Variants in CEP170 observed in about 807,000 individuals in gnomAD.
CEP170 encodes centrosomal protein of 170 kDa.
A neutral mutation model predicts 151.9 loss-of-function variants in CEP170; 21 were observed. The ratio of observed to expected loss-of-function variants is 0.14; its 90% CI spans 0.10 to 0.20. The LOEUF (loss-of-function observed/expected upper bound fraction) is 0.20. Ranked by LOEUF, CEP170 falls within the 10% of genes least tolerant of loss-of-function variation. CEP170 has a pLI of 1.00. For synonymous variants in CEP170, 356 were observed against 648.8 expected (o/e 0.55, Z 6.86); for missense variants, 964 against 1,892.9 (o/e 0.51, Z 9.11).
chr1:243,178,099 C>T (rs1414178520), intron 10 of CEP170, among the ~76,000 whole-genome samples: 9 of 151,906 alleles, frequency 5.9e-5, no homozygotes, highest in East Asian at 1.9e-4. Flanking sequence ...AGGCCGAAGG[C>T]GGGTGGATCA....
chr1:243,231,190 C>CATCATCATTATT (rs368164323), intron 1 of CEP170, among the ~76,000 whole-genome samples: 4 of 124,896 alleles, frequency 3.2e-5, no homozygotes, highest in Non-Finnish European at 5.1e-5. Flanking sequence ...TCATCATCAT[C>CATCATCATTATT]ATTATTATTA....
At position 243,165,174 on chromosome 1, in the gene CEP170, A is replaced by T. The variant is rs1227889732; in HGVS notation, c.2786T>A (p.Ile929Asn). The change falls in exon 13 of 20, where the codon ATT becomes AAT. Residue 929 changes from isoleucine to asparagine, a missense_variant. By Grantham distance (149) the Ile-to-Asn change is moderately radical. Transcript: ENST00000366542. ...TGTATCTACATCAGATTCTGGTGAA[A>T]TAGAATTGTCTCTATTATAACTGGG... ...DTPSYNRDNSISPESDVDTAS... is the reference protein window; with the variant it reads ...DTPSYNRDNSNSPESDVDTAS... 2 of 1,613,708 alleles carry T rather than the reference A, an allele frequency of 1.2e-6. No homozygotes were observed. The highest frequency in any genetic ancestry group is 3.3e-5 in the Admixed American group (2 of 59,982).
intron 10 of CEP170, among the ~76,000 whole-genome samples, chr1:243,179,533 T>C (rs2059482696): frequency 6.6e-6 from 1 of 152,214 alleles, no homozygotes; most frequent in Non-Finnish European, 1.5e-5. Flanking sequence ...TTAAACTATA[T>C]ATTTTAACAA....
chr1:243,245,288 T>C (rs2065264248), intron 1 of CEP170, among the ~76,000 whole-genome samples: 1 of 151,892 alleles, frequency 6.6e-6, no homozygotes, highest in South Asian at 2.1e-4. Context: ...TTCATCAAAG[T>C]GGCAAAACTG....
At chr1:243,186,186 T>G (rs566950190) in intron 9 of CEP170, 73 bp downstream of exon 9, 1 of 1,613,066 alleles carries the variant, frequency 6.2e-7, no homozygotes, top group Non-Finnish European at 8.5e-7. Flanking sequence ...GCACTTTGAG[T>G]AAAAGAATAC....
rs1379218540 is a variant in CEP170 at position 243,225,240 on chromosome 1, G to A, written c.41C>T (p.Thr14Ile). 8.1e-6 allele frequency: 13 copies of A among 1,597,892 alleles called. No individual in the cohort carries two copies. The highest frequency in any genetic ancestry group is 2.3e-5 in the South Asian group (2 of 88,128). Residue 14 changes from threonine (T) to isoleucine (I), a missense_variant, in exon 2 of 20, where the codon ACT becomes ATT. Coordinates refer to ENST00000366542, the MANE Select transcript of CEP170 (RefSeq NM_014812.3). ...CATTTCTCGTGGCAGCCTGTGGCGAGTGCCTCCACTGCTCACCAAAAACCA... is the reference window on the plus strand; with the variant it reads ...CATTTCTCGTGGCAGCCTGTGGCGAATGCCTCCACTGCTCACCAAAAACCA... ...TSWFLVSSGG[T>I]RHRLPREMIF...
At chr1:243,219,831 A>G (rs1183312152) in intron 3 of CEP170, among the ~76,000 whole-genome samples, 1 of 152,264 alleles carries the variant, frequency 6.6e-6, no homozygotes, top group Non-Finnish European at 1.5e-5. Flanking sequence ...CACTGTGCAG[A>G]GCCCTCTGCT....
chr1:243,227,170 T>C (rs562974319), intron 1 of CEP170, among the ~76,000 whole-genome samples: 1 of 152,208 alleles, frequency 6.6e-6, no homozygotes, highest in Admixed American at 6.5e-5. Flanking sequence ...ACCATAAAAG[T>C]CTTTTAAGTA....
chr1:243,220,990 T>C (rs1032799447), intron 3 of CEP170, among the ~76,000 whole-genome samples: 5 of 152,168 alleles, frequency 3.3e-5, no homozygotes, highest in Non-Finnish European at 2.9e-5. Flanking sequence ...GCAGAGAAAG[T>C]TGTCTACTCT....
At chr1:243,189,308 G>A (rs977884297) in intron 8 of CEP170, among the ~76,000 whole-genome samples, 1 of 152,106 alleles carries the variant, frequency 6.6e-6, no homozygotes, top group African/African-American at 2.4e-5. Context: ...TGTAACCCCA[G>A]CACTTTGGGA....
intron 12 of CEP170, among the ~76,000 whole-genome samples, chr1:243,167,603 G>A (rs1298300516): frequency 6.6e-6 from 1 of 151,158 alleles, no homozygotes; most frequent in East Asian, 1.9e-4. Flanking sequence ...TAATCTTTTA[G>A]GGATAAATGG....
chr1:243,215,648 G>A (rs544796412), intron 3 of CEP170, among the ~76,000 whole-genome samples: 7 of 152,228 alleles, frequency 4.6e-5, no homozygotes, highest in East Asian at 1.9e-4. Flanking sequence ...ATGACAATGC[G>A]TGCCCAGTGG....
At chr1:243,163,733 A>G (rs2058243259) in intron 13 of CEP170, among the ~76,000 whole-genome samples, 1 of 152,230 alleles carries the variant, frequency 6.6e-6, no homozygotes, top group South Asian at 2.1e-4. Flanking sequence ...AAACAGATTT[A>G]ACTTTAAAAA....
chr1:243,216,712 T>G (rs1303422523), intron 3 of CEP170, among the ~76,000 whole-genome samples: 1 of 152,182 alleles, frequency 6.6e-6, no homozygotes, highest in East Asian at 1.9e-4. Context: ...GGAATACCAT[T>G]AAGACTCTAG....
intron 1 of CEP170, among the ~76,000 whole-genome samples, chr1:243,249,806 A>G (rs1409230312): frequency 6.6e-6 from 1 of 152,254 alleles, no homozygotes; most frequent in Admixed American, 6.5e-5. Flanking sequence ...AAACAAGGCC[A>G]GGCGCCATGG....
intron 17 of CEP170, among the ~76,000 whole-genome samples, chr1:243,130,943 G>GA (rs1171529326): frequency 2.0e-5 from 3 of 151,946 alleles, no homozygotes. Context: ...AGGACTGATG[G>GA]AAAATAAGGA....
intron 3 of CEP170, among the ~76,000 whole-genome samples, chr1:243,212,234 A>T (rs77790626): frequency 6.6e-6 from 1 of 152,214 alleles, no homozygotes; most frequent in Non-Finnish European, 1.5e-5. Flanking sequence ...TGGTGCCAAG[A>T]AAAGCTCCTA....
rs528560886 is a variant in CEP170 at position 243,157,495 on chromosome 1, T to A, written c.3677-1040A>T. The stretch of plus-strand genomic sequence containing the variant: ...TTAGCTGAGTGTTGGCTAGCAAATG[T>A]TTAACAAATATTTTTGAAAAAAATG... On this transcript the variant is annotated intron_variant, in intron 13 of 19. Coordinates refer to ENST00000366542, the MANE Select transcript of CEP170 (RefSeq NM_014812.3). Among the ~76,000 whole-genome samples the A allele has an allele frequency of 9.5e-4, 144 of 152,312 alleles. 1 individual carries two copies. Among genetic ancestry groups the A allele is most frequent in the Middle Eastern group, 6.8e-3 (2 of 294 alleles).
intron 1 of CEP170, among the ~76,000 whole-genome samples, chr1:243,237,351 G>A: frequency 6.6e-6 from 1 of 152,048 alleles, no homozygotes; most frequent in Non-Finnish European, 1.5e-5. Flanking sequence ...CAACTAAAAA[G>A]ATGAATTTTA....
Sources: allele counts gnomAD v4.1 joint callset (sites outside exome capture counted in the v4.1 genomes callset), GRCh38; gene constraint gnomAD v4.1.1; transcripts MANE v1.5; gene names NCBI Gene and HGNC (gene_info 2026-07-23, HGNC 2026-07-21).